LRP4: variants seen among roughly 807,000 people sequenced by gnomAD.
LRP4 encodes low-density lipoprotein receptor-related protein 4.
In LRP4, 95 loss-of-function variants were observed where a neutral mutation model predicts 220.3. The ratio of observed to expected loss-of-function variants is 0.43; its 90% CI spans 0.37 to 0.51. The LOEUF (loss-of-function observed/expected upper bound fraction) is 0.51, where lower values mean the gene tolerates loss of function less well. Among genes scored for constraint, LRP4 ranks in the 20% least tolerant of loss-of-function variants. LRP4 has a pLI of 0.00. For synonymous variants in LRP4, 903 were observed against 954.6 expected (o/e 0.95, Z 1.00); for missense variants, 1,925 against 2,567.0 (o/e 0.75, Z 5.40).
intron 28 of LRP4, among the ~76,000 whole-genome samples, chr11:46,874,565 T>C (rs903962125): frequency 2.3e-4 from 35 of 152,218 alleles, no homozygotes; most frequent in African/African-American, 8.2e-4. Flanking sequence ...TGACTTTACC[T>C]GTTTTTTTTG....
At chr11:46,882,085 A>G (rs1820267903) in intron 19 of LRP4, among the ~76,000 whole-genome samples, 182 bp from the exon 20 acceptor site, 1 of 152,130 alleles carries the variant, frequency 6.6e-6, no homozygotes, top group Admixed American at 6.5e-5. Context: ...TTCTATTACT[A>G]TCAAAAGGTA....
rs745459741 is a variant in LRP4 at position 46,875,917 on chromosome 11, C to T, written c.3586G>A (p.Gly1196Arg). Residue 1196 changes from glycine to arginine, a missense_variant, in exon 26 of 38, where the codon GGA (glycine) becomes AGA (arginine). Physicochemically the swap from Gly to Arg is moderately radical, Grantham distance 125. This residue lies in a region of LRP4 where 1,244 missense variants were observed against 1,624.9 expected (regional missense o/e 0.77). Coordinates refer to ENST00000378623, the MANE Select transcript of LRP4 (RefSeq NM_002334.4). This position sits in a 1 kb window ranked among gnomAD's most constrained non-coding sequence, Gnocchi z 4.5. ...WGENAKLERS[G>R]MDGSDRAVLI... ...ACCGCGCGGTCTGAGCCATCCATTC[C>T]GGACCGCTCTAACTTGGCATTCTCC... The T allele has an allele frequency of 9.3e-6, 15 of 1,614,128 alleles. No individual in the cohort carries two copies. The highest frequency in any genetic ancestry group is 4.5e-5 in the East Asian group (2 of 44,860).
At position 46,918,025 on chromosome 11, in the gene LRP4, C is replaced by T. The variant is rs981993880; in HGVS notation, c.52+303G>A. On this transcript the variant is annotated intron_variant, in intron 1 of 37. Transcript: ENST00000378623. The surrounding 1 kb of genome is among the most constrained non-coding windows in gnomAD (Gnocchi z 6.0). Reference sequence around the variant, plus strand: ...ACCTAACCTGAAAGGGAAGCAGCCCCCGCTCTTGAAAGAGCAGCGAGGGAG... The same window carrying T: ...ACCTAACCTGAAAGGGAAGCAGCCCTCGCTCTTGAAAGAGCAGCGAGGGAG... Among the ~76,000 whole-genome samples the T allele has an allele frequency of 5.3e-5, 8 of 152,218 alleles. No homozygotes were observed. Among genetic ancestry groups the T allele is most frequent in the Non-Finnish European group, 8.8e-5 (6 of 68,028 alleles).
chr11:46,862,981 T>C (rs1940598384), intron 36 of LRP4: 1 of 545,806 alleles, frequency 1.8e-6, no homozygotes, highest in South Asian at 2.1e-5. Flanking sequence ...ACCAAGAAAC[T>C]GGTTCTGGTC....
Position 46,876,836 on chromosome 11 carries a change from G to A in LRP4, c.3278-6C>T, listed in dbSNP as rs373579793. The A allele has an allele frequency of 2.3e-5, 37 of 1,611,928 alleles. No homozygotes were observed. Among genetic ancestry groups the A allele is most frequent in the Non-Finnish European group, 3.0e-5 (35 of 1,178,426 alleles). ...GTCAGACCAGTACACCTTTCCTGGA[G>A]AGGGAAAGCTTGGCTCAACCTAGAC... On this transcript the variant is annotated splice_region_variant and splice_polypyrimidine_tract_variant and intron_variant, in intron 23 of 37. Coordinates refer to ENST00000378623, the MANE Select transcript of LRP4 (RefSeq NM_002334.4).
Position 46,861,806 on chromosome 11 carries a change from C to T in LRP4, c.5385+800G>A, listed in dbSNP as rs199580222. Among the ~76,000 whole-genome samples the T allele has an allele frequency of 1.3e-3, 201 of 152,086 alleles. 3 individuals carry two copies. The highest frequency in any genetic ancestry group is 9.4e-3 in the Admixed American group (143 of 15,294). On this transcript the variant is annotated intron_variant, in intron 37 of 37. Transcript: ENST00000378623. ...AAAGCAGGCTGGGCGCAGTGGCTCA[C>T]GCCTGTAATCCCAGCACTTTGGGAG... is the stretch of plus-strand genomic sequence containing the variant.
At chr11:46,864,339 A>G (rs2134764943) in intron 36 of LRP4, 109 bp downstream of exon 36, 2 of 870,340 alleles carry the variant, frequency 2.3e-6, no homozygotes, top group South Asian at 2.6e-5. Context: ...CCAACCTTGC[A>G]ATAAGGCTGG....
chr11:46,899,156 G>C lies in LRP4; in HGVS notation c.548-124C>G. The C allele has an allele frequency of 9.9e-7, 1 of 1,013,924 alleles. No homozygotes were observed. Among genetic ancestry groups the C allele is most frequent in the Non-Finnish European group, 1.5e-6 (1 of 672,602 alleles). The allele number at this position is 1,013,924 out of a possible 1,614,324, so 62.8% of individuals were successfully genotyped here. ...GCTTCTTCAAGTGAGATGTAACCAGGTTTCATCTGGGACAGCCCTTATAGA... is the reference window on the plus strand; with the variant it reads ...GCTTCTTCAAGTGAGATGTAACCAGCTTTCATCTGGGACAGCCCTTATAGA... On this transcript the variant is annotated intron_variant, in intron 5 of 37. Coordinates refer to ENST00000378623, the MANE Select transcript of LRP4 (RefSeq NM_002334.4). The surrounding 1 kb of genome is among the most constrained non-coding windows in gnomAD (Gnocchi z 5.9).
chr11:46,880,911 A>G (rs1222647272), intron 20 of LRP4, among the ~76,000 whole-genome samples: 1 of 151,938 alleles, frequency 6.6e-6, no homozygotes, highest in Non-Finnish European at 1.5e-5. Context: ...CTCTACCAAA[A>G]AAAAAGAAAA....
intron 2 of LRP4, among the ~76,000 whole-genome samples, chr11:46,901,689 T>A (rs1293395583): frequency 6.6e-6 from 1 of 152,066 alleles, no homozygotes; most frequent in Non-Finnish European, 1.5e-5. Flanking sequence ...TGGCCAACTG[T>A]GCAGATGTTA....
At chr11:46,912,164 G>A (rs570797406) in intron 1 of LRP4, among the ~76,000 whole-genome samples, 20 of 152,212 alleles carry the variant, frequency 1.3e-4, no homozygotes, top group South Asian at 1.0e-3. Context: ...AATGTAAGAC[G>A]GGAATCTAAT....
chr11:46,874,904 G>T lies in LRP4; in HGVS notation c.4125C>A (p.Thr1375=), dbSNP rs371098163. Reference sequence around the variant, plus strand: ...GCTCAGGAACAGGGACATGCACATCGGTGTGGTCACTGGTGTCCAGTGAGA... The same window carrying T: ...GCTCAGGAACAGGGACATGCACATCTGTGTGGTCACTGGTGTCCAGTGAGA... ...RRISLDTSDH[T]DVHVPVPELN... Residue 1375 remains threonine, a synonymous_variant, in exon 28 of 38, where the codon ACC becomes ACA. Coordinates refer to ENST00000378623, the MANE Select transcript of LRP4 (RefSeq NM_002334.4). 2 of 1,614,034 alleles carry T rather than the reference G, an allele frequency of 1.2e-6. No homozygotes were observed. Among genetic ancestry groups the T allele is most frequent in the African/African-American group, 1.3e-5 (1 of 74,912 alleles).
chr11:46,898,783 G>A (rs1941599730), intron 6 of LRP4, 106 bp from the exon 7 acceptor site: 4 of 1,604,472 alleles, frequency 2.5e-6, no homozygotes, highest in Non-Finnish European at 2.6e-6. Context: ...CTTCCCAAGA[G>A]GGACCAGAAA....
chr11:46,896,730 A>T (rs557899642), intron 8 of LRP4, 139 bp downstream of exon 8: 1 of 1,259,414 alleles, frequency 7.9e-7, no homozygotes, highest in South Asian at 1.2e-5. Flanking sequence ...CCAGGCCATA[A>T]GGCCGCAGGT....
intron 19 of LRP4, among the ~76,000 whole-genome samples, chr11:46,882,729 G>A (rs1941192056): frequency 6.6e-6 from 1 of 151,716 alleles, no homozygotes; most frequent in African/African-American, 2.4e-5. Context: ...TGTGGTCTGT[G>A]CCTGCAGTCC....
intron 1 of LRP4, among the ~76,000 whole-genome samples, chr11:46,916,471 G>A (rs1045343305): frequency 6.6e-6 from 1 of 152,050 alleles, no homozygotes; most frequent in Non-Finnish European, 1.5e-5. Context: ...ACCTAAAAGC[G>A]TTACCGCGAA....
chr11:46,879,829 G>T lies in LRP4; in HGVS notation c.2815-514C>A, dbSNP rs191973376. Among the ~76,000 whole-genome samples the T allele has an allele frequency of 2.8e-3, 419 of 152,286 alleles. 2 individuals carry two copies. The highest frequency in any genetic ancestry group is 9.6e-3 in the African/African-American group (397 of 41,554). On this transcript the variant is annotated intron_variant, in intron 20 of 37. Transcript: ENST00000378623. ...TGAGAGACATTATAAAAAATAACTGGCCTTTACTCTTTAAAAATGCAAATG... is the reference window on the plus strand; with the variant it reads ...TGAGAGACATTATAAAAAATAACTGTCCTTTACTCTTTAAAAATGCAAATG...
chr11:46,876,964 G>T, intron 23 of LRP4, 134 bp from the exon 24 acceptor site: 1 of 883,350 alleles, frequency 1.1e-6, no homozygotes, highest in South Asian at 1.4e-5. Flanking sequence ...CAAGGAAAAC[G>T]CAGAAATATC....
chr11:46,862,385 C>T (rs1191092200), intron 37 of LRP4, among the ~76,000 whole-genome samples: 1 of 152,186 alleles, frequency 6.6e-6, no homozygotes, highest in South Asian at 2.1e-4. Flanking sequence ...CTGAGATCTG[C>T]CTTCTAACCT....
Sources: allele counts gnomAD v4.1 joint callset (sites outside exome capture counted in the v4.1 genomes callset), GRCh38; gene constraint gnomAD v4.1.1; regional missense constraint gnomAD v4.1.1; non-coding constraint Gnocchi (gnomAD v3.1); transcripts MANE v1.5; gene names NCBI Gene and HGNC (gene_info 2026-07-23, HGNC 2026-07-21).